ROBO2: variants seen among roughly 807,000 people sequenced by gnomAD.
ROBO2 encodes the protein roundabout homolog 2.
Under a neutral mutation model 160.8 loss-of-function variants are expected in ROBO2, and 53 were observed. The observed-to-expected ratio is 0.33, with a 90% confidence interval of 0.26 to 0.41. The LOEUF is 0.41. ROBO2 is among the 10% of genes least tolerant of loss of function. The probability of loss-of-function intolerance (pLI) is 1.00; values close to 1 mark genes in which losing one functional copy is unlikely to be tolerated. For synonymous variants in ROBO2, 664 were observed against 611.7 expected (o/e 1.09, Z -1.26); for missense variants, 1,577 against 1,722.4 (o/e 0.92, Z 1.49).
intron 2 of ROBO2, among the ~76,000 whole-genome samples, chr3:76,559,129 T>C (rs565841671): frequency 2.0e-5 from 3 of 152,232 alleles, no homozygotes; most frequent in East Asian, 1.9e-4. Flanking sequence ...TCCCACCCAT[T>C]AATATAAGGC....
chr3:76,171,251 C>A (rs1428371143), intron 2 of ROBO2, among the ~76,000 whole-genome samples: 1 of 151,860 alleles, frequency 6.6e-6, no homozygotes, highest in Non-Finnish European at 1.5e-5. Context: ...CCCACCGTAG[C>A]TTCTCTACCA....
chr3:76,088,563 T>C (rs1475434229), intron 2 of ROBO2, among the ~76,000 whole-genome samples: 3 of 152,012 alleles, frequency 2.0e-5, no homozygotes, highest in Non-Finnish European at 4.4e-5. Context: ...AACAGAAAGA[T>C]AGCTGGAAAA....
At chr3:76,592,864 T>C (rs774984280) in intron 2 of ROBO2, among the ~76,000 whole-genome samples, 1 of 152,058 alleles carries the variant, frequency 6.6e-6, no homozygotes, top group South Asian at 2.1e-4. Flanking sequence ...ACTATCTTCA[T>C]GGTCCTCAGC....
intron 2 of ROBO2, among the ~76,000 whole-genome samples, chr3:77,013,236 G>C (rs2062024170): frequency 6.6e-6 from 1 of 152,176 alleles, no homozygotes; most frequent in Admixed American, 6.5e-5. Context: ...ATAATGATAA[G>C]ATAAATTAAA....
At chr3:76,398,856 C>T (rs1186136191) in intron 2 of ROBO2, among the ~76,000 whole-genome samples, 1 of 151,508 alleles carries the variant, frequency 6.6e-6, no homozygotes, top group Non-Finnish European at 1.5e-5. Context: ...TAATATATTG[C>T]CTAGAGGTGC....
At chr3:77,072,048 C>A (rs1313595642) in intron 1 of ROBO2, among the ~76,000 whole-genome samples, 1 of 152,110 alleles carries the variant, frequency 6.6e-6, no homozygotes, top group African/African-American at 2.4e-5. Flanking sequence ...AGCCTCTCCC[C>A]CTCGTTCGCA....
chr3:76,709,027 G>C (rs2093231614), intron 2 of ROBO2, among the ~76,000 whole-genome samples: 1 of 152,120 alleles, frequency 6.6e-6, no homozygotes, highest in Admixed American at 6.6e-5. Context: ...GGTCAATATA[G>C]ATATTTTGTT....
intron 2 of ROBO2, among the ~76,000 whole-genome samples, chr3:76,938,013 C>A (rs2077833161): frequency 6.6e-6 from 1 of 152,128 alleles, no homozygotes; most frequent in Admixed American, 6.5e-5. Flanking sequence ...CTGGAAATAT[C>A]ATGGAACTCA....
At chr3:76,305,200 G>A (rs2071275991) in intron 2 of ROBO2, among the ~76,000 whole-genome samples, 1 of 151,332 alleles carries the variant, frequency 6.6e-6, no homozygotes, top group Non-Finnish European at 1.5e-5. Flanking sequence ...ATCAGCTTAG[G>A]CAACATAGCC....
At chr3:77,510,220 T>TA (rs2089208118) in intron 5 of ROBO2, among the ~76,000 whole-genome samples, 1 of 152,108 alleles carries the variant, frequency 6.6e-6, no homozygotes, top group South Asian at 2.1e-4. Flanking sequence ...AGTAAACTGT[T>TA]ATATTAACAT....
chr3:76,160,589 C>G (rs1007600108), intron 2 of ROBO2, among the ~76,000 whole-genome samples: 1 of 152,110 alleles, frequency 6.6e-6, no homozygotes, highest in Admixed American at 6.6e-5. Flanking sequence ...TTGTAAACTG[C>G]TGATTTCTTC....
intron 2 of ROBO2, among the ~76,000 whole-genome samples, chr3:75,963,799 G>C (rs1949009551): frequency 6.6e-6 from 1 of 151,668 alleles, no homozygotes; most frequent in Non-Finnish European, 1.5e-5. Flanking sequence ...GCTTGTAGGT[G>C]GTTGCCTTCT....
chr3:77,622,121 A>G (rs1315198885), intron 22 of ROBO2, 106 bp from the exon 24 acceptor site: 8 of 974,846 alleles, frequency 8.2e-6, no homozygotes, highest in Non-Finnish European at 1.2e-5. Context: ...GTTAATGGAA[A>G]GGAAGAAGAC....
At chr3:77,250,563 T>C (rs79618741) in intron 2 of ROBO2, among the ~76,000 whole-genome samples, 2,347 of 152,328 alleles carry the variant, frequency 0.015, 68 homozygotes, top group African/African-American at 0.053. Flanking sequence ...GGTCTTTTTT[T>C]CCCCGGAATC....
intron 2 of ROBO2, among the ~76,000 whole-genome samples, chr3:75,946,338 C>A (rs9826855): frequency 0.42 from 63,747 of 151,540 alleles, 14,588 homozygotes; most frequent in South Asian, 0.65. Flanking sequence ...GTCAATAAGT[C>A]AATAAATGGC....
intron 2 of ROBO2, among the ~76,000 whole-genome samples, chr3:76,622,251 A>G (rs55869494): frequency 0.014 from 652 of 45,002 alleles, 6 homozygotes; most frequent in African/African-American, 0.019. Context: ...AGAAAGAAAG[A>G]AAGAAAGAAA....
chr3:76,623,096 T>C (rs559621908), intron 2 of ROBO2, among the ~76,000 whole-genome samples: 296 of 152,190 alleles, frequency 1.9e-3, no homozygotes, highest in African/African-American at 6.8e-3. Flanking sequence ...AAAGTAGTTA[T>C]GGCTTTTTCT....
intron 6 of ROBO2, among the ~76,000 whole-genome samples, chr3:77,537,782 A>G (rs2092223173): frequency 6.6e-6 from 1 of 152,140 alleles, no homozygotes; most frequent in Non-Finnish European, 1.5e-5. Context: ...AACATCTTAA[A>G]TGGTGGTGGC....
At chr3:76,766,467 G>C (rs1041760095) in intron 2 of ROBO2, among the ~76,000 whole-genome samples, 2 of 151,664 alleles carry the variant, frequency 1.3e-5, no homozygotes, top group African/African-American at 4.8e-5. Flanking sequence ...AGAAAGGAAA[G>C]TTAAGCAATG....
Sources: allele counts gnomAD v4.1 joint callset (sites outside exome capture counted in the v4.1 genomes callset), GRCh38; gene constraint gnomAD v4.1.1; transcripts MANE v1.5; gene names NCBI Gene and HGNC (gene_info 2026-07-23, HGNC 2026-07-21).